Variants in CA10 observed in about 807,000 individuals in gnomAD.
CA10 encodes the protein carbonic anhydrase-related protein 10.
In CA10, 14 loss-of-function variants were observed where a neutral mutation model predicts 44.2. The observed-to-expected ratio is 0.32, with a 90% confidence interval of 0.21 to 0.50. The LOEUF (loss-of-function observed/expected upper bound fraction) is 0.50, where lower values mean the gene tolerates loss of function less well. CA10 is among the 20% of genes least tolerant of loss of function. CA10 has a pLI of 0.99. For missense variants in CA10, 350 were observed against 409.7 expected (o/e 0.85, Z 1.26); for synonymous variants, 159 against 141.6 (o/e 1.12, Z -0.87).
chr17:51,941,521 G>A (rs1247435289), intron 2 of CA10, among the ~76,000 whole-genome samples: 2 of 152,228 alleles, frequency 1.3e-5, no homozygotes, highest in East Asian at 3.9e-4. Context: ...CACAAAGAGA[G>A]GAATGTCTCA....
intron 1 of CA10, among the ~76,000 whole-genome samples, chr17:52,074,860 T>C (rs1987776853): frequency 6.6e-6 from 1 of 152,118 alleles, no homozygotes; most frequent in Non-Finnish European, 1.5e-5. Flanking sequence ...AAAAATGAAT[T>C]TACATTTTTA....
Position 52,157,905 on chromosome 17 carries a change from T to A in CA10, c.-119A>T, listed in dbSNP as rs1366422269. The stretch of plus-strand genomic sequence containing the variant: ...CTTCCGAGCGAGTGCACACTCGCAC[T>A]CCCACCCGACAGCCGGCCAGGGACA... On this transcript the variant is annotated 5_prime_UTR_variant, in exon 1 of 9. Transcript: ENST00000451037. The A allele has an allele frequency of 2.5e-6, 2 of 807,030 alleles. No homozygotes were observed. The highest frequency in any genetic ancestry group is 4.4e-6 in the Non-Finnish European group (2 of 458,298). 50.0% of individuals were successfully genotyped at this position (807,030 alleles called of 1,614,324 possible).
At chr17:51,637,819 G>T (rs936477564) in intron 6 of CA10, among the ~76,000 whole-genome samples, 3 of 152,218 alleles carry the variant, frequency 2.0e-5, no homozygotes, top group Non-Finnish European at 4.4e-5. Context: ...CCAGACCAAG[G>T]TCATTTTTTC....
At chr17:52,109,822 G>T (rs999779966) in intron 1 of CA10, among the ~76,000 whole-genome samples, 3 of 152,172 alleles carry the variant, frequency 2.0e-5, no homozygotes, top group Non-Finnish European at 4.4e-5. Context: ...TGACTTTCAG[G>T]CAGTCAATTT....
At chr17:51,827,332 G>GCACACA (rs35515561) in intron 3 of CA10, among the ~76,000 whole-genome samples, 9 of 147,768 alleles carry the variant, frequency 6.1e-5, no homozygotes, top group South Asian at 2.2e-4. Flanking sequence ...AGAGAAACAC[G>GCACACA]CACACACACA....
chr17:51,768,037 C>T (rs911377736), intron 3 of CA10, among the ~76,000 whole-genome samples: 3 of 152,036 alleles, frequency 2.0e-5, no homozygotes, highest in East Asian at 1.9e-4. Flanking sequence ...GAATCCAAGC[C>T]GGGATACTAC....
intron 4 of CA10, among the ~76,000 whole-genome samples, chr17:51,660,416 T>C (rs183884418): frequency 6.6e-6 from 1 of 152,366 alleles, no homozygotes; most frequent in East Asian, 1.9e-4. Flanking sequence ...AGTACTCCTC[T>C]GTGTTAAATA....
intron 5 of CA10, 59 bp from the exon 6 acceptor site, chr17:51,649,313 C>T (rs760923995): frequency 2.5e-6 from 3 of 1,196,256 alleles, no homozygotes; most frequent in Non-Finnish European, 3.7e-6. Flanking sequence ...CAAACATCTC[C>T]CCGTGACATT....
chr17:52,057,498 C>T (rs919800370), intron 2 of CA10, among the ~76,000 whole-genome samples: 3 of 151,886 alleles, frequency 2.0e-5, no homozygotes, highest in Non-Finnish European at 2.9e-5. Context: ...ATATAAAATA[C>T]GTGTTGATGA....
At chr17:51,894,049 A>G (rs1261896072) in intron 3 of CA10, among the ~76,000 whole-genome samples, 3 of 152,178 alleles carry the variant, frequency 2.0e-5, no homozygotes, top group African/African-American at 7.2e-5. Context: ...ACACCACTAG[A>G]AAAGTATAGG....
chr17:51,896,797 T>C (rs570987870), intron 3 of CA10, among the ~76,000 whole-genome samples: 8 of 152,152 alleles, frequency 5.3e-5, no homozygotes, highest in African/African-American at 1.7e-4. Flanking sequence ...TGAGGTGGTA[T>C]CTCATTGTGG....
At chr17:51,741,781 C>G (rs760302805) in intron 4 of CA10, among the ~76,000 whole-genome samples, 8 of 152,138 alleles carry the variant, frequency 5.3e-5, no homozygotes, top group Non-Finnish European at 1.2e-4. Context: ...ATCCTCAAGT[C>G]CAGACAATGT....
At chr17:51,789,827 G>T (rs1016520737) in intron 3 of CA10, among the ~76,000 whole-genome samples, 4 of 152,176 alleles carry the variant, frequency 2.6e-5, no homozygotes, top group African/African-American at 9.7e-5. Context: ...CCTTGTAAGG[G>T]GCCTGTGAAA....
intron 3 of CA10, among the ~76,000 whole-genome samples, chr17:51,849,085 A>G (rs1978624065): frequency 6.7e-6 from 1 of 148,706 alleles, no homozygotes; most frequent in African/African-American, 2.5e-5. Context: ...TTATGTATAT[A>G]TGTGTATATT....
intron 3 of CA10, chr17:51,748,565 C>T: frequency 2.6e-6 from 1 of 377,650 alleles, no homozygotes; most frequent in East Asian, 1.9e-4. Flanking sequence ...ACAATTGATT[C>T]TAGAACACTC....
chr17:51,783,239 A>T (rs2143681756), intron 3 of CA10, among the ~76,000 whole-genome samples: 1 of 152,306 alleles, frequency 6.6e-6, no homozygotes, highest in Middle Eastern at 3.4e-3. Flanking sequence ...ATGAATACTT[A>T]TTGAATGGCC....
chr17:51,742,044 C>A (rs1467508213), intron 4 of CA10, among the ~76,000 whole-genome samples: 1 of 152,146 alleles, frequency 6.6e-6, no homozygotes, highest in Non-Finnish European at 1.5e-5. Flanking sequence ...TGGACTTGGT[C>A]CACAGGGTAT....
At chr17:51,955,579 C>G (rs546925572) in intron 2 of CA10, among the ~76,000 whole-genome samples, 1 of 152,240 alleles carries the variant, frequency 6.6e-6, no homozygotes, top group Non-Finnish European at 1.5e-5. Context: ...AGAATCAAGA[C>G]TCAGATCAGA....
chr17:51,854,093 G>A (rs1978927638), intron 3 of CA10, among the ~76,000 whole-genome samples: 2 of 152,134 alleles, frequency 1.3e-5, no homozygotes, highest in Non-Finnish European at 1.5e-5. Flanking sequence ...CCTACACTTG[G>A]CCACGGATGA....
Sources: allele counts gnomAD v4.1 joint callset (sites outside exome capture counted in the v4.1 genomes callset), GRCh38; gene constraint gnomAD v4.1.1; transcripts MANE v1.5; gene names NCBI Gene and HGNC (gene_info 2026-07-23, HGNC 2026-07-21).